SPAG17: variants seen among roughly 807,000 people sequenced by gnomAD.
SPAG17 encodes sperm-associated antigen 17.
In SPAG17, 169 loss-of-function variants were observed where a neutral mutation model predicts 273.6. The observed-to-expected ratio is 0.62, with a 90% CI of 0.55 to 0.70. The LOEUF is 0.70. SPAG17 is among the 30% of genes least tolerant of loss of function. The pLI, the probability that SPAG17 is intolerant of heterozygous loss-of-function variation, is 0.00. For missense variants in SPAG17, 2,557 were observed against 2,627.8 expected (o/e 0.97, Z 0.59); for synonymous variants, 825 against 873.2 (o/e 0.94, Z 0.97).
chr1:118,063,073 T>G (rs978015360), intron 18 of SPAG17, among the ~76,000 whole-genome samples: 30 of 152,142 alleles, frequency 2.0e-4, no homozygotes, highest in African/African-American at 6.7e-4. Flanking sequence ...CAGTGCTCAA[T>G]GAAATAAAAG....
At position 117,970,133 on chromosome 1, in the gene SPAG17, TAA is replaced by T. The variant is rs1160627719; in HGVS notation, c.6327-19_6327-18del. The stretch of plus-strand genomic sequence containing the variant: ...ACTTTAAACCTACAAGGCAGAAAGA[TAA>T]AAATAAATTTATGACATAATGAAAC... On this transcript the variant is annotated intron_variant, in intron 45 of 48. Transcript: ENST00000336338. The T allele has an allele frequency of 6.2e-7, 1 of 1,606,134 alleles. No homozygotes were observed. The highest frequency in any genetic ancestry group is 8.5e-7 in the Non-Finnish European group (1 of 1,177,268).
intron 46 of SPAG17, among the ~76,000 whole-genome samples, chr1:117,967,485 G>A (rs749742667): frequency 1.7e-4 from 26 of 151,854 alleles, no homozygotes; most frequent in Non-Finnish European, 3.2e-4. Context: ...AAAAAAAATC[G>A]CAAAAAAATC....
chr1:118,091,772 C>G, intron 9 of SPAG17, 54 bp from the exon 10 acceptor site: 2 of 1,393,196 alleles, frequency 1.4e-6, no homozygotes, highest in Non-Finnish European at 2.0e-6. Flanking sequence ...TCCATTATTT[C>G]CATCAAAATT....
intron 28 of SPAG17, 48 bp from the exon 29 acceptor site, chr1:118,016,230 C>A: frequency 7.3e-7 from 1 of 1,378,058 alleles, no homozygotes; most frequent in Non-Finnish European, 1.0e-6. Context: ...ACTATAGTAT[C>A]AATTATATAC....
intron 30 of SPAG17, among the ~76,000 whole-genome samples, chr1:118,009,671 T>A (rs1172908412): frequency 6.6e-6 from 1 of 152,116 alleles, no homozygotes; most frequent in East Asian, 1.9e-4. Flanking sequence ...TTATTAGGTT[T>A]TAGTTGCCAC....
chr1:118,153,952 G>T (rs1014433035), intron 1 of SPAG17, among the ~76,000 whole-genome samples: 1 of 152,168 alleles, frequency 6.6e-6, no homozygotes, highest in African/African-American at 2.4e-5. Flanking sequence ...GGATCAAAGA[G>T]GTTAAAGAAA....
At chr1:118,002,902 T>C (rs1658460326) in intron 32 of SPAG17, among the ~76,000 whole-genome samples, 1 of 152,210 alleles carries the variant, frequency 6.6e-6, no homozygotes, top group Non-Finnish European at 1.5e-5. Context: ...CATTAATTGA[T>C]GCAGTTTCTT....
chr1:118,111,076 A>G (rs1217046366), intron 4 of SPAG17, among the ~76,000 whole-genome samples: 1 of 152,214 alleles, frequency 6.6e-6, no homozygotes, highest in Non-Finnish European at 1.5e-5. Flanking sequence ...TTCTGTGCCA[A>G]ATAGTCAATA....
chr1:118,075,169 C>A (rs1266924393), intron 15 of SPAG17, among the ~76,000 whole-genome samples: 1 of 152,188 alleles, frequency 6.6e-6, no homozygotes, highest in Admixed American at 6.5e-5. Context: ...ATTTAATGAG[C>A]ATCTGCTAAT....
At chr1:118,056,589 T>C (rs577128986) in intron 18 of SPAG17, among the ~76,000 whole-genome samples, 6 of 152,254 alleles carry the variant, frequency 3.9e-5, no homozygotes, top group South Asian at 2.1e-4. Context: ...CCAAAGAGAG[T>C]TGTTTCTGAG....
chr1:118,148,395 A>G (rs1362710795), intron 3 of SPAG17, among the ~76,000 whole-genome samples: 1 of 152,170 alleles, frequency 6.6e-6, no homozygotes, highest in Non-Finnish European at 1.5e-5. Context: ...GGGTACACGA[A>G]CCTGCTGCAA....
intron 1 of SPAG17, among the ~76,000 whole-genome samples, chr1:118,165,213 T>C (rs1259704941): frequency 2.6e-5 from 4 of 152,082 alleles, no homozygotes; most frequent in Non-Finnish European, 5.9e-5. Context: ...CGTCCTGGGG[T>C]TTCTGATTCA....
At chr1:118,182,838 T>C (rs538733319) in intron 1 of SPAG17, among the ~76,000 whole-genome samples, 1 of 152,228 alleles carries the variant, frequency 6.6e-6, no homozygotes, top group Non-Finnish European at 1.5e-5. Flanking sequence ...TCCCAGCCCA[T>C]ATTCATCTTC....
chr1:118,058,605 T>C (rs1247835184), intron 18 of SPAG17, among the ~76,000 whole-genome samples: 2 of 152,236 alleles, frequency 1.3e-5, no homozygotes, highest in East Asian at 3.8e-4. Flanking sequence ...CCTAGGTCTT[T>C]GATGACTTTT....
In SPAG17 at chr1:118,172,467, T is replaced by C. The variant is rs9662576; in HGVS notation, c.87+12604A>G. ...AGGAATGGAATAACTGTCATGCCAA[T>C]AGTTGGTCTCACAAGTATAGATGCC... On this transcript the variant is annotated intron_variant, in intron 1 of 48. Transcript: ENST00000336338. 1.9e-3 allele frequency among the ~76,000 whole-genome samples: 293 copies of C among 152,302 alleles called. 1 individual carries two copies. The highest frequency in any genetic ancestry group is 6.9e-3 in the African/African-American group (287 of 41,564).
chr1:118,009,586 C>T (rs1659261854), intron 30 of SPAG17, among the ~76,000 whole-genome samples: 1 of 152,090 alleles, frequency 6.6e-6, no homozygotes, highest in Non-Finnish European at 1.5e-5. Flanking sequence ...CTGAGGTCAC[C>T]TATTTATGCA....
chr1:118,015,635 G>A (rs1201387716), intron 29 of SPAG17, among the ~76,000 whole-genome samples: 1 of 152,086 alleles, frequency 6.6e-6, no homozygotes, highest in Non-Finnish European at 1.5e-5. Context: ...GGAAGCACAC[G>A]ACGACATCAT....
In SPAG17 at chr1:117,996,367, T is replaced by C. The variant is rs538959733; in HGVS notation, c.5053+3A>G. ...TGCATTCCAGACAGTATGGGTCCTC[T>C]ACCTGGCTGTTCCTGCACTGGCTCT... is the stretch of plus-strand genomic sequence containing the variant. On this transcript the variant is annotated splice_donor_region_variant and intron_variant, in intron 34 of 48. Coordinates refer to ENST00000336338, the MANE Select transcript of SPAG17 (RefSeq NM_206996.4). 2 of 1,610,848 alleles carry C rather than the reference T, an allele frequency of 1.2e-6. No individual in the cohort carries two copies. The highest frequency in any genetic ancestry group is 1.7e-5 in the Admixed American group (1 of 59,616).
At chr1:118,006,589 C>A (rs540559741) in intron 31 of SPAG17, among the ~76,000 whole-genome samples, 2 of 152,270 alleles carry the variant, frequency 1.3e-5, no homozygotes, top group Non-Finnish European at 2.9e-5. Context: ...TATGTTTTCT[C>A]TTGGATATAT....
Sources: gnomAD v4.1 joint callset for allele counts (sites outside exome capture counted in the v4.1 genomes callset) on GRCh38, gnomAD v4.1.1 for gene constraint, MANE v1.5 for transcripts, NCBI Gene and HGNC (gene_info 2026-07-23, HGNC 2026-07-21) for gene names.